The following EPS8L1 variants were observed in gnomAD, a reference collection of about 807,000 sequenced individuals.
EPS8L1 encodes epidermal growth factor receptor kinase substrate 8-like protein 1.
Under a neutral mutation model 91.7 loss-of-function variants are expected in EPS8L1, and 101 were observed. The ratio of observed to expected loss-of-function variants is 1.10; its 90% CI spans 0.94 to 1.30. The LOEUF (loss-of-function observed/expected upper bound fraction) is 1.30. EPS8L1 is among the 50% of genes most tolerant of loss of function. The pLI is 0.00. For synonymous variants in EPS8L1, 506 were observed against 445.3 expected (o/e 1.14, Z -1.72); for missense variants, 1,114 against 1,017.0 (o/e 1.10, Z -1.30).
chr19:55,087,356 A>G lies in EPS8L1; in HGVS notation c.2006A>G (p.Lys669Arg), dbSNP rs1054940. The G allele has an allele frequency of 0.49, 786,423 of 1,612,594 alleles. 193,954 individuals are homozygous for G. Among genetic ancestry groups the G allele is most frequent in the South Asian group, 0.63 (57,703 of 91,002 alleles). Residue 669 changes from lysine to arginine, a missense_variant, in exon 19 of 20, where the codon AAG becomes AGG. By Grantham distance (26) the Lys-to-Arg change is conservative (BLOSUM62 2). Transcript: ENST00000201647. ...LTGAQLFSLQ[K>R]EELRAVSPEE... is the part of the protein sequence containing the mutation. Reference sequence around the variant, plus strand: ...GGGGCGCAGCTTTTCTCGCTGCAGAAGGAGGAGCTGCGGGCGGTGAGCCCC... The same window carrying G: ...GGGGCGCAGCTTTTCTCGCTGCAGAGGGAGGAGCTGCGGGCGGTGAGCCCC...
chr19:55,085,729 G>C lies in EPS8L1; in HGVS notation c.1386-112G>C, dbSNP rs1454185089. On this transcript the variant is annotated intron_variant, in intron 14 of 19. Coordinates refer to ENST00000201647, the MANE Select transcript of EPS8L1 (RefSeq NM_133180.3). ...AATTTCTATTAACAGTATTAACCCG[G>C]CCCCTGCTGTGCCCCCAGCTTGGCT... The C allele has an allele frequency of 6.4e-6, 8 of 1,244,366 alleles. No homozygotes were observed. In the East Asian group the frequency reaches 1.2e-4, roughly 18 times the overall value. The allele number at this position is 1,244,366 out of a possible 1,614,324, so 77.1% of individuals were successfully genotyped here.
intron 16 of EPS8L1, 40 bp downstream of exon 16, chr19:55,086,232 G>A: frequency 1.3e-6 from 2 of 1,597,162 alleles, no homozygotes; most frequent in Non-Finnish European, 1.7e-6. Context: ...GGGTGGAGAG[G>A]CTGGGACCAG....
intron 16 of EPS8L1, 91 bp from the exon 17 acceptor site, chr19:55,086,291 AGGTGGTGACT>A: frequency 6.2e-7 from 1 of 1,611,912 alleles, no homozygotes; most frequent in Non-Finnish European, 8.5e-7. Flanking sequence ...GTGCTGGAGC[AGGTGGTGACT>A]GGGGGTTCAG....
At chr19:55,087,161 G>A in intron 18 of EPS8L1, 142 bp from the exon 19 acceptor site, 3 of 1,284,022 alleles carry the variant, frequency 2.3e-6, no homozygotes, top group Non-Finnish European at 3.1e-6. Flanking sequence ...ATTGGTGGGT[G>A]GGGTTCAGGA....
chr19:55,076,391 T>C lies in EPS8L1; in HGVS notation c.-37-17T>C. 6.2e-7 allele frequency: 1 copy of C among 1,607,192 alleles called. No homozygotes were observed. Among genetic ancestry groups the C allele is most frequent in the Non-Finnish European group, 8.5e-7 (1 of 1,176,510 alleles). On this transcript the variant is annotated splice_polypyrimidine_tract_variant and intron_variant, in intron 1 of 19. Transcript: ENST00000201647. ...GGCTCCTACTGGCCAGGCCTTCACA[T>C]GTTTGCTGGCTCCCAGGGCACCTCC...
In EPS8L1 at chr19:55,081,233, C is replaced by T. The variant is rs139759863; in HGVS notation, c.515C>T (p.Ala172Val). The change falls in exon 8 of 20, where the codon GCC (alanine) becomes GTC (valine). Residue 172 changes from alanine (A) to valine (V), a missense_variant and splice_region_variant. Transcript: ENST00000201647. The surrounding 1 kb of genome is among the most constrained non-coding windows in gnomAD (Gnocchi z 4.9). ...RGERRAAALR[A>V]TQEELQRDRS... ...GGTGTCCCCGTCGCCCTCCGCAGGG[C>T]CACGCAGGAGGAGTTGCAGCGCGAC... is the stretch of plus-strand genomic sequence containing the variant. 3.2e-5 allele frequency: 48 copies of T among 1,512,002 alleles called. No individual in the cohort carries two copies. Among genetic ancestry groups the T allele is most frequent in the Non-Finnish European group, 4.1e-5 (47 of 1,141,638 alleles). The allele number at this position is 1,512,002 out of a possible 1,614,324, so 93.7% of individuals were successfully genotyped here. A position where few individuals can be genotyped will look rare whatever the true frequency, so the allele number is the denominator to read the frequency against.
Position 55,081,247 on chromosome 19 carries a change from T to C in EPS8L1, c.529T>C (p.Leu177=). ...AAALRATQEE[L]QRDRSPAAET... ...CCTCCGCAGGGCCACGCAGGAGGAGTTGCAGCGCGACCGCTCGCCCGCCGC... is the reference window on the plus strand; with the variant it reads ...CCTCCGCAGGGCCACGCAGGAGGAGCTGCAGCGCGACCGCTCGCCCGCCGC... Residue 177 remains leucine (L), a synonymous_variant, in exon 8 of 20, where the codon TTG becomes CTG. Transcript: ENST00000201647. The surrounding 1 kb of genome is among the most constrained non-coding windows in gnomAD (Gnocchi z 4.9). 2 of 1,514,722 alleles carry C rather than the reference T, an allele frequency of 1.3e-6. No homozygotes were observed. Among genetic ancestry groups the C allele is most frequent in the Non-Finnish European group, 1.8e-6 (2 of 1,141,638 alleles). 93.8% of individuals were successfully genotyped at this position (1,514,722 alleles called of 1,614,324 possible).
At position 55,082,583 on chromosome 19, in the gene EPS8L1, G is replaced by C. The variant is rs2076293370; in HGVS notation, c.1195G>C (p.Asp399His). ...AAACGAGCTCTGGACCTCGCTGGGG[G>C]ACTCGTGGACCCGCCCCGGGTGAGG... ...RENELWTSLG[D>H]SWTRPGLELS... The change falls in exon 12 of 20, where the codon GAC (aspartate) becomes CAC (histidine). Residue 399 changes from aspartate (D) to histidine (H), a missense_variant. Asp to His is a moderately conservative substitution (Grantham distance 81). Coordinates refer to ENST00000201647, the MANE Select transcript of EPS8L1 (RefSeq NM_133180.3). 1 of 1,569,278 alleles carries C rather than the reference G, an allele frequency of 6.4e-7. No homozygotes were observed. The highest frequency in any genetic ancestry group is 8.6e-7 in the Non-Finnish European group (1 of 1,157,688).
chr19:55,081,133 A>T lies in EPS8L1; in HGVS notation c.513-98A>T. On this transcript the variant is annotated intron_variant, in intron 7 of 19. Transcript: ENST00000201647. This position sits in a 1 kb window ranked among gnomAD's most constrained non-coding sequence, Gnocchi z 4.9. Reference sequence around the variant, plus strand: ...TCGTTGAACTTGTTCACTCCCTTTGAGCCTTTTGAGCCTGTGTGTCTCGTT... The same window carrying T: ...TCGTTGAACTTGTTCACTCCCTTTGTGCCTTTTGAGCCTGTGTGTCTCGTT... 7.3e-7 allele frequency: 1 copy of T among 1,370,774 alleles called. No homozygotes were observed. The highest frequency in any genetic ancestry group is 9.6e-7 in the Non-Finnish European group (1 of 1,043,384). 84.9% of individuals were successfully genotyped at this position (1,370,774 alleles called of 1,614,324 possible). A position where few individuals can be genotyped will look rare whatever the true frequency, so the allele number is the denominator to read the frequency against.
rs1047401138 is a variant in EPS8L1 at position 55,080,239 on chromosome 19, G to A, written c.390G>A (p.Ala130=). Residue 130 remains alanine (A), a synonymous_variant, in exon 6 of 20, where the codon GCG becomes GCA. Transcript: ENST00000201647. Reference sequence around the variant, plus strand: ...TCGTGTGCCAGGAACCCGAGCGCGCGCAGCCCGACGTGCACTTCTTCCAGG... The same window carrying A: ...TCGTGTGCCAGGAACCCGAGCGCGCACAGCCCGACGTGCACTTCTTCCAGG... ...LLLVCQEPER[A]QPDVHFFQGL... The A allele has an allele frequency of 1.6e-5, 25 of 1,535,518 alleles. No homozygotes were observed. Among genetic ancestry groups the A allele is most frequent in the East Asian group, 2.5e-5 (1 of 40,582 alleles).
At position 55,082,366 on chromosome 19, in the gene EPS8L1, GC is replaced by G. The variant is rs2076286531; in HGVS notation, c.1065+20del. Reference sequence around the variant, plus strand: ...CTGCAGATGGTGAGACCCGCCCCAGGCCCTCGGGCCCCCCTGCAGCGGGAGG... The same window carrying G: ...CTGCAGATGGTGAGACCCGCCCCAGGCCTCGGGCCCCCCTGCAGCGGGAGG... On this transcript the variant is annotated intron_variant, in intron 11 of 19. Coordinates refer to ENST00000201647, the MANE Select transcript of EPS8L1 (RefSeq NM_133180.3). 2 of 1,612,574 alleles carry G rather than the reference GC, an allele frequency of 1.2e-6. No individual in the cohort carries two copies. The highest frequency in any genetic ancestry group is 1.7e-6 in the Non-Finnish European group (2 of 1,179,854).
rs1417415694 is a variant in EPS8L1 at position 55,078,989 on chromosome 19, C to T, written c.59-10C>T. ...GGACTCCCAGGCTCATTCTCTTTCT[C>T]CCCTGGCAGAGCAGAGGAAGCGTTA... is the stretch of plus-strand genomic sequence containing the variant. On this transcript the variant is annotated splice_polypyrimidine_tract_variant and intron_variant, in intron 3 of 19. Transcript: ENST00000201647. 1 of 1,613,604 alleles carries T rather than the reference C, an allele frequency of 6.2e-7. No individual in the cohort carries two copies. The highest frequency in any genetic ancestry group is 1.1e-5 in the South Asian group (1 of 91,084).
Position 55,081,859 on chromosome 19 carries a change from C to T in EPS8L1, c.861C>T (p.His287=). 3.7e-6 allele frequency: 6 copies of T among 1,610,320 alleles called. No homozygotes were observed. In the African/African-American group the frequency reaches 5.3e-5, roughly 14 times the overall value. The change falls in exon 9 of 20, where the codon CAC becomes CAT. Residue 287 remains histidine, a synonymous_variant. Coordinates refer to ENST00000201647, the MANE Select transcript of EPS8L1 (RefSeq NM_133180.3). The surrounding 1 kb of genome is among the most constrained non-coding windows in gnomAD (Gnocchi z 4.9). ...KSAEAARVLE[H]RERGRRSRRR... The stretch of plus-strand genomic sequence containing the variant: ...CGGAGGCGGCCAGGGTGCTGGAGCA[C>T]CGGGAACGCGGCCGCAGGAGCCGGC...
At position 55,080,155 on chromosome 19, in the gene EPS8L1, C is replaced by A. The variant is rs2076222417; in HGVS notation, c.306C>A (p.Gly102=). The A allele has an allele frequency of 6.6e-7, 1 of 1,517,592 alleles. No individual in the cohort carries two copies. The highest frequency in any genetic ancestry group is 1.2e-5 in the South Asian group (1 of 80,700). 94.0% of individuals were successfully genotyped at this position (1,517,592 alleles called of 1,614,324 possible). The stretch of plus-strand genomic sequence containing the variant: ...AGGAGCTGGAGTCGTACCCACTGGG[C>A]GCCATCGTGCGCTGTGACGCGGTGA... ...SKEELESYPL[G]AIVRCDAVMP... Residue 102 remains glycine (G), a synonymous_variant, in exon 6 of 20, where the codon GGC becomes GGA. Transcript: ENST00000201647.
chr19:55,082,403 G>C lies in EPS8L1; in HGVS notation c.1066-51G>C, dbSNP rs754709345. On this transcript the variant is annotated intron_variant, in intron 11 of 19. Coordinates refer to ENST00000201647, the MANE Select transcript of EPS8L1 (RefSeq NM_133180.3). ...CCCTGCAGCGGGAGGAATCGGGTTCGACTTGTAGAAGGTGTGGCGGCACAG... is the reference window on the plus strand; with the variant it reads ...CCCTGCAGCGGGAGGAATCGGGTTCCACTTGTAGAAGGTGTGGCGGCACAG... 3 of 1,612,346 alleles carry C rather than the reference G, an allele frequency of 1.9e-6. No individual in the cohort carries two copies. The South Asian group carries it at 3.3e-5, about 18-fold the overall frequency.
In EPS8L1 at chr19:55,083,664, C is replaced by T. The variant is rs927129610; in HGVS notation, c.1385+20C>T. ...CAATGGGTGAGTGTCCGCCCCAGGGCAGGGCAAGGGGGTCAAGGAGGGGTG... is the reference window on the plus strand; with the variant it reads ...CAATGGGTGAGTGTCCGCCCCAGGGTAGGGCAAGGGGGTCAAGGAGGGGTG... On this transcript the variant is annotated intron_variant, in intron 14 of 19. Transcript: ENST00000201647. The surrounding 1 kb of genome is among the most constrained non-coding windows in gnomAD (Gnocchi z 4.7). 4 of 1,588,126 alleles carry T rather than the reference C, an allele frequency of 2.5e-6. No individual in the cohort carries two copies. Among genetic ancestry groups the T allele is most frequent in the Non-Finnish European group, 3.4e-6 (4 of 1,167,642 alleles).
At chr19:55,084,893 T>C (rs1454753636) in intron 14 of EPS8L1, among the ~76,000 whole-genome samples, 1 of 152,136 alleles carries the variant, frequency 6.6e-6, no homozygotes, top group East Asian at 1.9e-4. Flanking sequence ...CAAGTTCAAG[T>C]CCAGCTGCCT....
At position 55,087,700 on chromosome 19, in the gene EPS8L1, T is replaced by G; in HGVS notation, c.*86T>G. On this transcript the variant is annotated 3_prime_UTR_variant, in exon 20 of 20. Coordinates refer to ENST00000201647, the MANE Select transcript of EPS8L1 (RefSeq NM_133180.3). The stretch of plus-strand genomic sequence containing the variant: ...TCTCCCCAATAGCGGAAGTCGATCT[T>G]CTGAAGGATGGCCAATCTGCTCCGG... 7.0e-7 allele frequency: 1 copy of G among 1,421,296 alleles called. No individual in the cohort carries two copies. Among genetic ancestry groups the G allele is most frequent in the Non-Finnish European group, 9.8e-7 (1 of 1,021,716 alleles). The allele number at this position is 1,421,296 out of a possible 1,614,324, so 88.0% of individuals were successfully genotyped here.
rs553234513 is a variant in EPS8L1 at position 55,086,750 on chromosome 19, T to G, written c.1814T>G (p.Leu605Arg). The part of the protein sequence containing the change: ...FSQMLIVNEE[L>R]QARLAQGRSG... ...CAGATGCTCATCGTCAACGAGGAAC[T>G]GCAGGCGCGCCTGGCCCAGGGCCGC... Residue 605 changes from leucine (L) to arginine (R), a missense_variant, in exon 18 of 20, where the codon CTG becomes CGG. Physicochemically the swap from Leu to Arg is moderately radical, Grantham distance 102 (BLOSUM62 -2). Coordinates refer to ENST00000201647, the MANE Select transcript of EPS8L1 (RefSeq NM_133180.3). 1 of 1,608,832 alleles carries G rather than the reference T, an allele frequency of 6.2e-7. No individual in the cohort carries two copies. Among genetic ancestry groups the G allele is most frequent in the East Asian group, 2.2e-5 (1 of 44,590 alleles).
Sources: gnomAD v4.1 joint callset for allele counts (sites outside exome capture counted in the v4.1 genomes callset) on GRCh38, gnomAD v4.1.1 for gene constraint, Gnocchi (gnomAD v3.1) non-coding constraint, MANE v1.5 for transcripts, NCBI Gene and HGNC (gene_info 2026-07-23, HGNC 2026-07-21) for gene names.